Variants in ATP2B2 observed in about 807,000 individuals in gnomAD.
ATP2B2 encodes ATPase plasma membrane Ca2+ transporting 2.
In ATP2B2, 15 loss-of-function variants were observed where a neutral mutation model predicts 120.0. The ratio of observed to expected loss-of-function variants is 0.12; its 90% CI spans 0.08 to 0.19. ATP2B2 has a LOEUF of 0.19. ATP2B2 is among the 10% of genes least tolerant of loss of function. The pLI is 1.00. For missense variants in ATP2B2, 1,045 were observed against 1,719.8 expected (o/e 0.61, Z 6.94); for synonymous variants, 694 against 700.3 (o/e 0.99, Z 0.14).
chr3:10,505,674 G>T (rs2066599611), upstream of ATP2B2: 1 of 149,070 alleles, frequency 6.7e-6, no homozygotes, highest in Admixed American at 6.6e-5. Context: ...ATGCAATCTC[G>T]GGGGAGGCAG....
chr3:10,381,944 C>T (rs1046091688), intron 8 of ATP2B2, among the ~76,000 whole-genome samples: 6 of 149,174 alleles, frequency 4.0e-5, no homozygotes, highest in African/African-American at 1.3e-4. Context: ...CACTTCTCTT[C>T]CCTGTGCCTC....
intron 1 of ATP2B2, among the ~76,000 whole-genome samples, chr3:10,502,217 C>T (rs974185878): frequency 6.6e-6 from 1 of 152,212 alleles, no homozygotes; most frequent in Non-Finnish European, 1.5e-5. Context: ...AAGGTGCTCA[C>T]CTGCTCCGGC....
At chr3:10,469,206 T>C (rs1413123327) in intron 1 of ATP2B2, among the ~76,000 whole-genome samples, 1 of 152,216 alleles carries the variant, frequency 6.6e-6, no homozygotes, top group Non-Finnish European at 1.5e-5. Context: ...AAATTAATGA[T>C]AATAAGCTAA....
At chr3:10,359,838 A>C (rs2060845727) in intron 13 of ATP2B2, 44 bp downstream of exon 13, 2 of 1,613,020 alleles carry the variant, frequency 1.2e-6, no homozygotes, top group African/African-American at 2.7e-5. Context: ...AGCTCCCTGC[A>C]CCAGGGCACA....
At chr3:10,417,030 G>A (rs1360322025) in intron 2 of ATP2B2, among the ~76,000 whole-genome samples, 1 of 142,942 alleles carries the variant, frequency 7.0e-6, no homozygotes, top group Admixed American at 6.9e-5. Context: ...AGATAGGGCG[G>A]CAGCCAGGCA....
Position 10,501,366 on chromosome 3 carries a change from T to C in ATP2B2, c.-320+4099A>G, listed in dbSNP as rs1397274098. Among the ~76,000 whole-genome samples the C allele has an allele frequency of 3.5e-5, 5 of 144,828 alleles. No individual in the cohort carries two copies. In the East Asian group the frequency reaches 1.0e-3, roughly 30 times the overall value. On this transcript the variant is annotated intron_variant, in intron 1 of 22. Coordinates refer to ENST00000360273, the MANE Select transcript of ATP2B2 (RefSeq NM_001001331.4). ...AGTTTTCCATAGCATAACCCATTTTTTAAACGGTTTTTTTTTTTTTTTGAG... is the reference window on the plus strand; with the variant it reads ...AGTTTTCCATAGCATAACCCATTTTCTAAACGGTTTTTTTTTTTTTTTGAG...
At chr3:10,529,729 A>C (rs1245800898) in intron 3 of ATP2B2, among the ~76,000 whole-genome samples, 1 of 152,218 alleles carries the variant, frequency 6.6e-6, no homozygotes, top group African/African-American at 2.4e-5. Context: ...TGTGAGGTAC[A>C]GATGGGCGTT....
chr3:10,577,080 G>A (rs1575516236), intron 2 of ATP2B2, among the ~76,000 whole-genome samples: 1 of 150,356 alleles, frequency 6.7e-6, no homozygotes, highest in East Asian at 1.9e-4. Flanking sequence ...AAAAGAAGCT[G>A]CCTGGGTATG....
intron 1 of ATP2B2, among the ~76,000 whole-genome samples, chr3:10,492,961 G>T (rs1425929133): frequency 6.6e-6 from 1 of 152,122 alleles, no homozygotes; most frequent in Non-Finnish European, 1.5e-5. Flanking sequence ...TCGAGAGAAG[G>T]GCTGTTCTGG....
intron 14 of ATP2B2, among the ~76,000 whole-genome samples, chr3:10,352,131 C>T (rs999421917): frequency 6.6e-6 from 1 of 152,236 alleles, no homozygotes; most frequent in African/African-American, 2.4e-5. Context: ...TTGACTATCT[C>T]GCCTGTATCC....
intron 12 of ATP2B2, among the ~76,000 whole-genome samples, chr3:10,369,273 C>T (rs1012563433): frequency 1.1e-4 from 16 of 152,326 alleles, no homozygotes; most frequent in Admixed American, 3.9e-4. Context: ...TGGGCCTCTT[C>T]TCAGTCTTCA....
chr3:10,521,941 T>C (rs769206976), intron 3 of ATP2B2, among the ~76,000 whole-genome samples: 9 of 152,160 alleles, frequency 5.9e-5, no homozygotes, highest in Non-Finnish European at 1.3e-4. Flanking sequence ...AGGTAACTTA[T>C]CCAAGACTAT....
upstream of ATP2B2, among the ~76,000 whole-genome samples, chr3:10,506,545 T>A (rs1008373793): frequency 6.6e-6 from 1 of 152,108 alleles, no homozygotes; most frequent in African/African-American, 2.4e-5. Context: ...CAACTCCAGA[T>A]GGGTGGGAGG....
At chr3:10,379,820 G>A (rs868388939) in intron 8 of ATP2B2, among the ~76,000 whole-genome samples, 39 of 152,090 alleles carry the variant, frequency 2.6e-4, no homozygotes, top group African/African-American at 9.4e-4. Flanking sequence ...CTAGAATGGA[G>A]AGGAGTTTGG....
intron 2 of ATP2B2, among the ~76,000 whole-genome samples, chr3:10,544,556 A>T (rs148530546): frequency 1.8e-4 from 28 of 152,336 alleles, no homozygotes; most frequent in Middle Eastern, 6.8e-3. Context: ...ATCCTCTTAG[A>T]TACCCTGGAA....
intron 2 of ATP2B2, among the ~76,000 whole-genome samples, chr3:10,534,304 C>G (rs2067266716): frequency 6.6e-6 from 1 of 152,236 alleles, no homozygotes; most frequent in Non-Finnish European, 1.5e-5. Flanking sequence ...TCAGACCAGC[C>G]TGGGTGGGCT....
intron 4 of ATP2B2, 72 bp from the exon 5 acceptor site, chr3:10,401,150 T>G: frequency 6.3e-7 from 1 of 1,585,458 alleles, no homozygotes; most frequent in Admixed American, 1.7e-5. Context: ...CCCTTAAAGG[T>G]GCGATTACCA....
chr3:10,446,822 C>G (rs2063852578), intron 2 of ATP2B2, among the ~76,000 whole-genome samples: 1 of 152,208 alleles, frequency 6.6e-6, no homozygotes, highest in South Asian at 2.1e-4. Flanking sequence ...CGAAAAGGCC[C>G]AAAGGCACAC....
intron 1 of ATP2B2, among the ~76,000 whole-genome samples, chr3:10,488,848 T>C (rs1048105136): frequency 6.6e-6 from 1 of 151,952 alleles, no homozygotes; most frequent in African/African-American, 2.4e-5. Flanking sequence ...ACAGTCTGTT[T>C]TCCACACACA....
Sources: gnomAD v4.1 joint callset for allele counts (sites outside exome capture counted in the v4.1 genomes callset) on GRCh38, gnomAD v4.1.1 for gene constraint, MANE v1.5 for transcripts, NCBI Gene and HGNC (gene_info 2026-07-23, HGNC 2026-07-21) for gene names.